The following CERK variants were observed in gnomAD, a reference collection of about 807,000 sequenced individuals.
CERK encodes the protein ceramide kinase.
A neutral mutation model predicts 63.4 loss-of-function variants in CERK; 39 were observed. The ratio of observed to expected loss-of-function variants is 0.61; its 90% CI spans 0.48 to 0.80. The LOEUF (loss-of-function observed/expected upper bound fraction) is 0.80. Ranked by LOEUF, CERK falls within the 30% of genes least tolerant of loss-of-function variation. CERK has a pLI of 0.00. For synonymous variants in CERK, 302 were observed against 280.0 expected (o/e 1.08, Z -0.78); for missense variants, 670 against 714.1 (o/e 0.94, Z 0.70).
rs573440425 is a variant in CERK, at chr22:46,698,449, C to T, written c.943+864G>A. On this transcript the variant is annotated intron_variant, in intron 8 of 12. Coordinates refer to ENST00000216264, the MANE Select transcript of CERK (RefSeq NM_022766.6). ...ACTTGTATGGCTAGCTACGGTGTAA[C>T]CCCAACAAAACCACGCAACCTTGTT... Among the ~76,000 whole-genome samples, 19 of 152,300 alleles carry T rather than the reference C, an allele frequency of 1.2e-4. No individual in the cohort carries two copies. In the South Asian group the frequency reaches 3.5e-3, roughly 28 times the overall value.
chr22:46,735,644 C>CT (rs879316550), intron 1 of CERK: 1 of 152,250 alleles, frequency 6.6e-6, no homozygotes, highest in Non-Finnish European at 1.5e-5. Flanking sequence ...ACAGGTCCTC[C>CT]TAGGGCCAGT....
intron 7 of CERK, 123 bp downstream of exon 7, chr22:46,701,513 C>A (rs541378261): frequency 6.5e-6 from 5 of 766,560 alleles, no homozygotes; most frequent in Admixed American, 2.5e-5. Flanking sequence ...GGGGACACAG[C>A]GTGACCCACG....
intron 1 of CERK, among the ~76,000 whole-genome samples, chr22:46,732,014 G>A (rs946318182): frequency 6.6e-5 from 10 of 152,232 alleles, no homozygotes; most frequent in African/African-American, 1.4e-4. Context: ...GGGGAAGACC[G>A]GGGCCAGCTG....
chr22:46,716,389 C>G (rs1350065407), intron 3 of CERK, among the ~76,000 whole-genome samples: 1 of 151,146 alleles, frequency 6.6e-6, no homozygotes, highest in Non-Finnish European at 1.5e-5. Context: ...TGGGGTTTCA[C>G]CATGTTGGCC....
chr22:46,733,973 T>C (rs1489263294), intron 1 of CERK, among the ~76,000 whole-genome samples: 2 of 151,186 alleles, frequency 1.3e-5, no homozygotes, highest in Non-Finnish European at 2.9e-5. Flanking sequence ...GAGGTGGAGG[T>C]TGCAGTGAGC....
chr22:46,702,978 G>A (rs1376028279), intron 6 of CERK, among the ~76,000 whole-genome samples: 5 of 152,126 alleles, frequency 3.3e-5, no homozygotes, highest in South Asian at 2.1e-4. Flanking sequence ...ACATGCTCCC[G>A]TTCACGCGAG....
rs143245664 is a variant in CERK, at chr22:46,712,169, G to A, written c.504C>T (p.Ile168=). ...FTLASITTDI[I]VTEHANQAKE... ...CATAGTTAACATAGAATTTGTTACC[G>A]ATGATGTCAGTGGTGATGGAGGCTA... The change falls in exon 4 of 13, where the codon ATC becomes ATT. Residue 168 remains isoleucine (I), a splice_region_variant and synonymous_variant. Transcript: ENST00000216264. 94 of 1,613,868 alleles carry A rather than the reference G, an allele frequency of 5.8e-5. No individual in the cohort carries two copies. In the African/African-American group the frequency reaches 9.1e-4, roughly 16 times the overall value.
At chr22:46,736,192 G>A (rs1451923278) in intron 1 of CERK, among the ~76,000 whole-genome samples, 2 of 152,252 alleles carry the variant, frequency 1.3e-5, no homozygotes, top group East Asian at 3.8e-4. Flanking sequence ...GCAAACCCCA[G>A]CAGGCTGGAC....
At position 46,738,050 on chromosome 22, in the gene CERK, G is replaced by A. The variant is rs1284022143; in HGVS notation, c.99C>T (p.Arg33=). The A allele has an allele frequency of 1.5e-5, 18 of 1,236,196 alleles. No homozygotes were observed. The highest frequency in any genetic ancestry group is 1.8e-5 in the Non-Finnish European group (18 of 987,706). The allele number at this position is 1,236,196 out of a possible 1,614,324, so 76.6% of individuals were successfully genotyped here. The change falls in exon 1 of 13, where the codon CGC becomes CGT. Residue 33 remains arginine, a synonymous_variant. Coordinates refer to ENST00000216264, the MANE Select transcript of CERK (RefSeq NM_022766.6). The stretch of plus-strand genomic sequence containing the variant: ...CTCCGGGCCCCGGGCTCCGCCACCA[G>A]CGCAGCAGAGCCCGCGCGGGCTCCA... ...VSLEPARALL[R]WWRSPGPGAG...
intron 3 of CERK, among the ~76,000 whole-genome samples, chr22:46,716,512 AAAAAATACGAGATTG>A (rs1406566266): frequency 6.6e-6 from 1 of 151,966 alleles, no homozygotes; most frequent in Non-Finnish European, 1.5e-5. Context: ...TCTTAAAAAA[AAAAAATACGAGATTG>A]AAAAGGCAAA....
In CERK at chr22:46,738,150, T is replaced by C; in HGVS notation, c.-2A>G. On this transcript the variant is annotated 5_prime_UTR_variant, in exon 1 of 13. Transcript: ENST00000216264. ...CTCCGCCGCCCCCGTCGCCCCCATCTCCGCCGCCGGGCTCGTCCGCCAGGC... is the reference window on the plus strand; with the variant it reads ...CTCCGCCGCCCCCGTCGCCCCCATCCCCGCCGCCGGGCTCGTCCGCCAGGC... 1 of 1,181,460 alleles carries C rather than the reference T, an allele frequency of 8.5e-7. No individual in the cohort carries two copies. The highest frequency in any genetic ancestry group is 2.9e-5 in the South Asian group (1 of 34,224). 73.2% of individuals were successfully genotyped at this position (1,181,460 alleles called of 1,614,324 possible).
At position 46,686,107 on chromosome 22, in the gene CERK, G is replaced by A. The variant is rs756605486; in HGVS notation, c.*1027C>T. The stretch of plus-strand genomic sequence containing the variant: ...CCCTCGCGCTGCAGAGGAAACCAGC[G>A]ATCCATCGTGGCTTCGAGGCAAAAG... On this transcript the variant is annotated 3_prime_UTR_variant, in exon 13 of 13. Transcript: ENST00000216264. 6.6e-6 allele frequency: 1 copy of A among 152,140 alleles called. No individual in the cohort carries two copies. The highest frequency in any genetic ancestry group is 1.5e-5 in the Non-Finnish European group (1 of 68,038). The allele number at this position is 152,140 out of a possible 1,614,324, so 9.4% of individuals were successfully genotyped here. A position where few individuals can be genotyped will look rare whatever the true frequency, so the allele number is the denominator to read the frequency against.
At chr22:46,734,067 C>T (rs6007964) in intron 1 of CERK, among the ~76,000 whole-genome samples, 180 of 145,358 alleles carry the variant, frequency 1.2e-3, no homozygotes, top group African/African-American at 4.3e-3. Context: ...TACATACATA[C>T]ATATATATAT....
chr22:46,725,694 A>G (rs1016064448), intron 1 of CERK, among the ~76,000 whole-genome samples: 3 of 152,224 alleles, frequency 2.0e-5, no homozygotes, highest in African/African-American at 4.8e-5. Flanking sequence ...GAGCTCTTCA[A>G]TAGAGGTAAT....
At chr22:46,721,119 A>C (rs557142663) in intron 1 of CERK, 104 bp from the exon 2 acceptor site, 10 of 776,624 alleles carry the variant, frequency 1.3e-5, no homozygotes, top group Admixed American at 7.5e-5. Flanking sequence ...TAATATTCTC[A>C]TTAGAAATTC....
At position 46,686,143 on chromosome 22, in the gene CERK, G is replaced by A. The variant is rs562173317; in HGVS notation, c.*991C>T. The A allele has an allele frequency of 3.9e-5, 6 of 152,216 alleles. No individual in the cohort carries two copies. Among genetic ancestry groups the A allele is most frequent in the East Asian group, 1.9e-4 (1 of 5,178 alleles). The allele number at this position is 152,216 out of a possible 1,614,324, so 9.4% of individuals were successfully genotyped here. The stretch of plus-strand genomic sequence containing the variant: ...GCTTCGAGGCAAAAGACAGACATCC[G>A]AGACGCAGTTTACACTACTCTGGCT... On this transcript the variant is annotated 3_prime_UTR_variant, in exon 13 of 13. Transcript: ENST00000216264.
chr22:46,704,913 CA>C (rs2082805875), intron 6 of CERK, among the ~76,000 whole-genome samples: 1 of 151,770 alleles, frequency 6.6e-6, no homozygotes, highest in Admixed American at 6.6e-5. Flanking sequence ...TACAAAAGCA[CA>C]CAATGCAAAC....
At chr22:46,690,846 CT>C (rs2082726599) in intron 11 of CERK, among the ~76,000 whole-genome samples, 1 of 152,046 alleles carries the variant, frequency 6.6e-6, no homozygotes, top group East Asian at 1.9e-4. Context: ...TACTGTGTCG[CT>C]TTGTTCTGTT....
At chr22:46,689,252 C>T (rs949831265) in intron 12 of CERK, among the ~76,000 whole-genome samples, 3 of 152,272 alleles carry the variant, frequency 2.0e-5, no homozygotes, top group East Asian at 1.9e-4. Context: ...CCTGCTGCCT[C>T]CTGCCCCTCC....
Sources: allele counts gnomAD v4.1 joint callset (sites outside exome capture counted in the v4.1 genomes callset), GRCh38; gene constraint gnomAD v4.1.1; transcripts MANE v1.5; gene names NCBI Gene and HGNC (gene_info 2026-07-23, HGNC 2026-07-21).